PROM1: variants seen among roughly 807,000 people sequenced by gnomAD.
PROM1 encodes the protein prominin-1.
PROM1 carries 105 observed loss-of-function variants against 116.9 expected under a neutral mutation model. The observed-to-expected ratio is 0.90, with a 90% CI of 0.77 to 1.06. The LOEUF is 1.06. Ranked by LOEUF, PROM1 falls within the 50% of genes least tolerant of loss-of-function variation. The probability of loss-of-function intolerance (pLI) is 0.00; values close to 1 mark genes in which losing one functional copy is unlikely to be tolerated. For missense variants in PROM1, 1,122 were observed against 1,045.2 expected (o/e 1.07, Z -1.01); for synonymous variants, 393 against 387.0 (o/e 1.02, Z -0.18).
rs1304925748 is a variant in PROM1 at position 15,986,053 on chromosome 4, A to G, written c.2131-16T>C. 6.6e-7 allele frequency: 1 copy of G among 1,523,864 alleles called. No homozygotes were observed. Among genetic ancestry groups the G allele is most frequent in the East Asian group, 2.3e-5 (1 of 43,350 alleles). The allele number at this position is 1,523,864 out of a possible 1,614,324, so 94.4% of individuals were successfully genotyped here. A position where few individuals can be genotyped will look rare whatever the true frequency, so the allele number is the denominator to read the frequency against. ...TTACTCTCTCCTGAAAGACACAGCC[A>G]CAGTTATCAGGGTATCAAGTCATAG... is the stretch of plus-strand genomic sequence containing the variant. On this transcript the variant is annotated splice_polypyrimidine_tract_variant and intron_variant, in intron 20 of 27. Transcript: ENST00000447510.
intron 2 of PROM1, among the ~76,000 whole-genome samples, chr4:16,067,751 G>C (rs572635236): frequency 6.6e-6 from 1 of 152,268 alleles, no homozygotes; most frequent in South Asian, 2.1e-4. Flanking sequence ...TAGACACGTC[G>C]ATTTGGCTAT....
intron 13 of PROM1, among the ~76,000 whole-genome samples, chr4:16,004,988 G>A (rs950386683): frequency 8.9e-6 from 1 of 111,888 alleles, no homozygotes; most frequent in African/African-American, 3.4e-5. Flanking sequence ...TTTTGACAGA[G>A]TCTCACTCTG....
At chr4:16,064,259 T>C (rs1741004054) in intron 2 of PROM1, among the ~76,000 whole-genome samples, 1 of 152,160 alleles carries the variant, frequency 6.6e-6, no homozygotes, top group Non-Finnish European at 1.5e-5. Context: ...CAATGGTATA[T>C]TCACACATAA....
Position 16,072,405 on chromosome 4 carries a change from G to A in PROM1, c.220+3282C>T, listed in dbSNP as rs1304140247. Among the ~76,000 whole-genome samples the A allele has an allele frequency of 2.6e-5, 4 of 152,288 alleles. No individual in the cohort carries two copies. The East Asian group carries it at 7.7e-4, about 29-fold the overall frequency. ...TCTCTTCTATTCCTTGACCTGTACTGGAACTTTGCATTCAAAGCACCACTA... is the reference window on the plus strand; with the variant it reads ...TCTCTTCTATTCCTTGACCTGTACTAGAACTTTGCATTCAAAGCACCACTA... On this transcript the variant is annotated intron_variant, in intron 2 of 27. Coordinates refer to ENST00000447510, the MANE Select transcript of PROM1 (RefSeq NM_006017.3).
At chr4:16,014,428 A>T (rs1448357085) in intron 10 of PROM1, among the ~76,000 whole-genome samples, 1 of 152,222 alleles carries the variant, frequency 6.6e-6, no homozygotes. Flanking sequence ...CTCCCGGTTC[A>T]ATGCCTTCTT....
At position 16,006,542 on chromosome 4, in the gene PROM1, T is replaced by C. The variant is rs574974703; in HGVS notation, c.1450A>G (p.Met484Val). The change falls in exon 13 of 28, where the codon ATG becomes GTG. Residue 484 changes from methionine to valine, a missense_variant. Transcript: ENST00000447510. ...CVSNTGGVFL[M>V]VGVGLSFLFC... ...CAGAGAGGAGCAGACACTCACACCA[T>C]GAGGAAGACGCCTCCGGTGTTGGAG... The C allele has an allele frequency of 2.5e-5, 39 of 1,589,200 alleles. 1 individual carries two copies. Among genetic ancestry groups the C allele is most frequent in the South Asian group, 8.0e-5 (7 of 86,966 alleles).
intron 2 of PROM1, 43 bp downstream of exon 2, chr4:16,075,644 C>T (rs371019200): frequency 1.0e-5 from 16 of 1,526,080 alleles, no homozygotes; most frequent in African/African-American, 2.8e-5. Flanking sequence ...ATTGTGGGTG[C>T]GTTTGGAGAT....
At chr4:16,035,243 T>C (rs900354143) in intron 4 of PROM1, among the ~76,000 whole-genome samples, 1 of 152,230 alleles carries the variant, frequency 6.6e-6, no homozygotes, top group African/African-American at 2.4e-5. Context: ...TACGTATTTT[T>C]CCATCATTTC....
chr4:15,977,933 T>C (rs2149020276), intron 26 of PROM1, among the ~76,000 whole-genome samples: 1 of 152,292 alleles, frequency 6.6e-6, no homozygotes, highest in East Asian at 1.9e-4. Context: ...CCATTTCTTC[T>C]CTGATCTGAA....
At chr4:16,048,679 C>T (rs1353183109) in intron 2 of PROM1, among the ~76,000 whole-genome samples, 1 of 152,070 alleles carries the variant, frequency 6.6e-6, no homozygotes, top group Non-Finnish European at 1.5e-5. Flanking sequence ...GCAGGACTGA[C>T]ACACGTTGGC....
In PROM1 at chr4:15,993,917, AAAAG is replaced by A. The variant is rs985950059; in HGVS notation, c.1767+66_1767+69del. ...TTGCAAATTTCATCTCAATTTCCAG[AAAAG>A]AAAGAAAGACACCTAGATTTGGTGA... On this transcript the variant is annotated intron_variant, in intron 16 of 27. Transcript: ENST00000447510. The A allele has an allele frequency of 1.2e-5, 19 of 1,551,958 alleles. No homozygotes were observed. The Admixed American group carries it at 1.5e-4, about 12-fold the overall frequency.
At chr4:16,063,857 G>A (rs1244711874) in intron 2 of PROM1, among the ~76,000 whole-genome samples, 1 of 152,136 alleles carries the variant, frequency 6.6e-6, no homozygotes, top group Non-Finnish European at 1.5e-5. Context: ...ACTGGGATTT[G>A]CTTCAAAGTA....
chr4:15,986,577 C>A (rs1450937121), intron 20 of PROM1, among the ~76,000 whole-genome samples: 1 of 152,124 alleles, frequency 6.6e-6, no homozygotes, highest in African/African-American at 2.4e-5. Flanking sequence ...CCAGTTTCTG[C>A]CCTCGACTAA....
At chr4:15,985,655 C>T in intron 22 of PROM1, 105 bp downstream of exon 22, 3 of 923,318 alleles carry the variant, frequency 3.2e-6, no homozygotes, top group African/African-American at 1.7e-5. Flanking sequence ...TTACTTCCTA[C>T]CAAATTATGG....
At chr4:16,003,662 C>T (rs1366732655) in intron 13 of PROM1, among the ~76,000 whole-genome samples, 2 of 152,176 alleles carry the variant, frequency 1.3e-5, no homozygotes, top group Admixed American at 6.5e-5. Context: ...TGCTAAAATG[C>T]TCCTGGGGCC....
chr4:15,984,398 A>G (rs756688570), intron 22 of PROM1, 43 bp from the exon 23 acceptor site: 63 of 1,381,014 alleles, frequency 4.6e-5, no homozygotes, highest in Non-Finnish European at 5.4e-5. Flanking sequence ...CTGCATCCAC[A>G]AAAACCCAAA....
At chr4:15,988,352 G>A (rs1412108407) in intron 19 of PROM1, among the ~76,000 whole-genome samples, 1 of 152,226 alleles carries the variant, frequency 6.6e-6, no homozygotes, top group Non-Finnish European at 1.5e-5. Flanking sequence ...CGCAAGAGTG[G>A]TTAACCTGAA....
chr4:15,986,096 A>C, intron 20 of PROM1, 59 bp from the exon 21 acceptor site: 1 of 1,221,838 alleles, frequency 8.2e-7, no homozygotes, highest in Non-Finnish European at 1.2e-6. Flanking sequence ...TAATTAGACA[A>C]TTTGCATATT....
At chr4:16,033,917 A>ATG (rs1491045548) in intron 4 of PROM1, among the ~76,000 whole-genome samples, 5 of 148,514 alleles carry the variant, frequency 3.4e-5, no homozygotes, top group Non-Finnish European at 7.4e-5. Flanking sequence ...ATATATATAT[A>ATG]TATGTATGTA....
Sources: gnomAD v4.1 joint callset for allele counts (sites outside exome capture counted in the v4.1 genomes callset) on GRCh38, gnomAD v4.1.1 for gene constraint, MANE v1.5 for transcripts, NCBI Gene and HGNC (gene_info 2026-07-23, HGNC 2026-07-21) for gene names.